Variants in CTNNA2 observed in about 807,000 individuals in gnomAD.
The protein encoded by CTNNA2 is catenin alpha-2.
A neutral mutation model predicts 101.0 loss-of-function variants in CTNNA2; 42 were observed. That is an observed-to-expected ratio of 0.42 (90% CI 0.32 to 0.54). The LOEUF is 0.54. CTNNA2 is among the 20% of genes least tolerant of loss of function. CTNNA2 has a pLI of 0.14. For synonymous variants in CTNNA2, 450 were observed against 456.4 expected, an observed-to-expected ratio of 0.99 and a Z score of 0.18; for missense variants, 871 against 1,223.1, an observed-to-expected ratio of 0.71 and a Z score of 4.29.
At chr2:79,672,972 T>G (rs752646408) in intron 2 of CTNNA2, among the ~76,000 whole-genome samples, 2 of 152,096 alleles carry the variant, frequency 1.3e-5, no homozygotes. Context: ...CCTCCCAAAG[T>G]GCTGGGATTA....
At chr2:79,368,686 C>T (rs573856553) in intron 3 of CTNNA2, among the ~76,000 whole-genome samples, 2 of 152,172 alleles carry the variant, frequency 1.3e-5, no homozygotes, top group Admixed American at 6.5e-5. Context: ...ACACACACAG[C>T]GCTGCCAGGA....
chr2:79,861,250 G>A (rs1451053858), intron 4 of CTNNA2, among the ~76,000 whole-genome samples: 4 of 152,118 alleles, frequency 2.6e-5, no homozygotes, highest in Non-Finnish European at 4.4e-5. Context: ...GTTACACATA[G>A]TATTCTACTT....
chr2:80,565,902 T>G (rs577472083), intron 12 of CTNNA2, among the ~76,000 whole-genome samples: 1 of 152,280 alleles, frequency 6.6e-6, no homozygotes, highest in East Asian at 1.9e-4. Flanking sequence ...TTATACTGAG[T>G]AAACTGAGGC....
intron 7 of CTNNA2, among the ~76,000 whole-genome samples, chr2:80,148,219 G>T (rs1175554714): frequency 6.6e-6 from 1 of 152,226 alleles, no homozygotes; most frequent in Non-Finnish European, 1.5e-5. Context: ...GGCATTGGCA[G>T]ATTTCTTTCT....
chr2:80,637,871 C>T (rs1295379498), intron 18 of CTNNA2, among the ~76,000 whole-genome samples: 1 of 152,150 alleles, frequency 6.6e-6, no homozygotes, highest in African/African-American at 2.4e-5. Context: ...ACTTTTCTCT[C>T]AGTGATTATG....
chr2:80,096,451 G>A (rs530937454), intron 7 of CTNNA2, among the ~76,000 whole-genome samples: 8 of 152,186 alleles, frequency 5.3e-5, no homozygotes, highest in South Asian at 2.1e-4. Context: ...GAATAGGTGC[G>A]GTGTGGTGCT....
chr2:80,140,686 A>ACACAAGGAAAACACATCCAC (rs1225095783), intron 7 of CTNNA2, among the ~76,000 whole-genome samples: 6 of 152,188 alleles, frequency 3.9e-5, no homozygotes, highest in African/African-American at 1.4e-4. Flanking sequence ...ATGCCATCCA[A>ACACAAGGAAAACACATCCAC]CACAAGGAAA....
chr2:79,730,667 T>C (rs144809208), intron 2 of CTNNA2, among the ~76,000 whole-genome samples: 5 of 152,030 alleles, frequency 3.3e-5, no homozygotes, highest in Non-Finnish European at 7.4e-5. Flanking sequence ...TAAAAGTAGC[T>C]TGAAATTCAC....
rs1394765009 is a variant in CTNNA2 at position 80,498,617 on chromosome 2, G to T, written c.1291-46365G>T. On this transcript the variant is annotated intron_variant, in intron 9 of 18. Coordinates refer to ENST00000402739, the MANE Select transcript of CTNNA2 (RefSeq NM_001282597.3). ...GATCATCCAGTAAAAATTTCATATTGTTTTTCCACCCAAGTGTATCTTGCT... is the reference window on the plus strand; with the variant it reads ...GATCATCCAGTAAAAATTTCATATTTTTTTTCCACCCAAGTGTATCTTGCT... Among the ~76,000 whole-genome samples the T allele has an allele frequency of 2.6e-5, 4 of 152,134 alleles. No homozygotes were observed. In the East Asian group the frequency reaches 7.7e-4, roughly 29 times the overall value.
rs528460191 is a variant in CTNNA2 at position 79,312,112 on chromosome 2, T to C, written c.-405-597T>C. 5.9e-5 allele frequency among the ~76,000 whole-genome samples: 9 copies of C among 152,196 alleles called. 1 individual carries two copies. In the South Asian group the frequency reaches 1.9e-3, roughly 32 times the overall value. On this transcript the variant is annotated intron_variant, in intron 2 of 21. Transcript: ENST00000466387. Reference sequence around the variant, plus strand: ...GTAGAGACAGGGTCTTGTCACCATGTTGCCCAGGCTGCACTAAAACTCCTG... The same window carrying C: ...GTAGAGACAGGGTCTTGTCACCATGCTGCCCAGGCTGCACTAAAACTCCTG...
chr2:79,424,071 T>C (rs1172606667), intron 4 of CTNNA2, among the ~76,000 whole-genome samples: 10 of 152,026 alleles, frequency 6.6e-5, no homozygotes, highest in African/African-American at 2.4e-4. Flanking sequence ...TGGGGAAAGA[T>C]TGTACTCCAG....
At chr2:79,381,346 T>C (rs2104463362) in intron 4 of CTNNA2, among the ~76,000 whole-genome samples, 1 of 152,314 alleles carries the variant, frequency 6.6e-6, no homozygotes, top group East Asian at 1.9e-4. Context: ...GACAATCCTC[T>C]TTCAAGACAC....
chr2:79,811,773 T>C (rs1013983532), intron 3 of CTNNA2, among the ~76,000 whole-genome samples: 8 of 152,222 alleles, frequency 5.3e-5, no homozygotes, highest in Non-Finnish European at 8.8e-5. Context: ...AATTCTGCTA[T>C]GATTCATCCT....
intron 9 of CTNNA2, among the ~76,000 whole-genome samples, chr2:80,423,891 T>C (rs1253995455): frequency 1.3e-5 from 2 of 152,144 alleles, no homozygotes; most frequent in African/African-American, 4.8e-5. Flanking sequence ...CTCTTATCAG[T>C]TTGCCCATTT....
intron 7 of CTNNA2, among the ~76,000 whole-genome samples, chr2:80,221,901 C>T (rs892130561): frequency 6.6e-6 from 1 of 152,120 alleles, no homozygotes; most frequent in Non-Finnish European, 1.5e-5. Flanking sequence ...GGTTTAATTG[C>T]CTCCAGTTGT....
chr2:80,106,369 G>A (rs1558814535), intron 7 of CTNNA2, among the ~76,000 whole-genome samples: 1 of 152,076 alleles, frequency 6.6e-6, no homozygotes, highest in South Asian at 2.1e-4. Flanking sequence ...AAGGTGCAAC[G>A]TTACAAGTGG....
At position 79,407,073 on chromosome 2, in the gene CTNNA2, T is replaced by C. The variant is rs1330739990; in HGVS notation, c.-135+33060T>C. Among the ~76,000 whole-genome samples, 4 of 152,066 alleles carry C rather than the reference T, an allele frequency of 2.6e-5. No homozygotes were observed. The East Asian group carries it at 7.8e-4, about 30-fold the overall frequency. On this transcript the variant is annotated intron_variant, in intron 4 of 21. Coordinates refer to the CTNNA2 transcript ENST00000466387. ...CAGTGTCTTTGCTTCAACCCTGGAC[T>C]CATTTATTTATTCCGTCCCAATGTA...
At chr2:79,737,148 GA>G (rs1670941324) in intron 2 of CTNNA2, among the ~76,000 whole-genome samples, 1 of 152,142 alleles carries the variant, frequency 6.6e-6, no homozygotes, top group South Asian at 2.1e-4. Context: ...AGGAGTTTGA[GA>G]CCAGCCTGGC....
Position 80,472,505 on chromosome 2 carries a change from G to T in CTNNA2, c.1290+52904G>T, listed in dbSNP as rs186262511. On this transcript the variant is annotated intron_variant, in intron 9 of 18. Coordinates refer to ENST00000402739, the MANE Select transcript of CTNNA2 (RefSeq NM_001282597.3). ...AGCCATGGAAGCAAACTCTGAACATGCAATACTAAATTACCTGAAAGGAAG... is the reference window on the plus strand; with the variant it reads ...AGCCATGGAAGCAAACTCTGAACATTCAATACTAAATTACCTGAAAGGAAG... 3.3e-5 allele frequency among the ~76,000 whole-genome samples: 5 copies of T among 152,270 alleles called. No individual in the cohort carries two copies. The East Asian group carries it at 9.7e-4, about 29-fold the overall frequency.
Sources: allele counts gnomAD v4.1 joint callset (sites outside exome capture counted in the v4.1 genomes callset), GRCh38; gene constraint gnomAD v4.1.1; transcripts MANE v1.5; gene names NCBI Gene and HGNC (gene_info 2026-07-23, HGNC 2026-07-21).